Variants in FARS2 observed in about 807,000 individuals in gnomAD.
FARS2 encodes the protein phenylalanine--tRNA ligase, mitochondrial.
Under a neutral mutation model 46.4 loss-of-function variants are expected in FARS2, and 40 were observed. The ratio of observed to expected loss-of-function variants is 0.86; its 90% confidence interval spans 0.67 to 1.12. FARS2 has a LOEUF of 1.12. Ranked by LOEUF, FARS2 falls within the 50% of genes most tolerant of loss-of-function variation. FARS2 has a pLI of 0.00. For synonymous variants in FARS2, 234 were observed against 214.9 expected (o/e 1.09, Z -0.78); for missense variants, 513 against 567.9 (o/e 0.90, Z 0.98).
At chr6:5,731,808 C>T (rs540589397) in intron 6 of FARS2, among the ~76,000 whole-genome samples, 145 of 151,844 alleles carry the variant, frequency 9.5e-4, no homozygotes, top group Non-Finnish European at 2.0e-3. Flanking sequence ...GCCCCTTGGT[C>T]CCTCTGAGGT....
At chr6:5,367,406 G>A (rs1758755542) in intron 1 of FARS2, among the ~76,000 whole-genome samples, 1 of 152,070 alleles carries the variant, frequency 6.6e-6, no homozygotes, top group Non-Finnish European at 1.5e-5. Context: ...AATGGGATGT[G>A]ACATCTCAAG....
At chr6:5,274,969 G>A (rs1331890708) in intron 1 of FARS2, among the ~76,000 whole-genome samples, 1 of 152,076 alleles carries the variant, frequency 6.6e-6, no homozygotes, top group Non-Finnish European at 1.5e-5. Context: ...CTCCTGCCTC[G>A]GCCTCCCAAA....
chr6:5,327,358 G>C (rs1189703403), intron 1 of FARS2, among the ~76,000 whole-genome samples: 2 of 152,298 alleles, frequency 1.3e-5, no homozygotes, highest in South Asian at 4.1e-4. Context: ...AAGCTTGCCT[G>C]ATATGGTTGG....
intron 6 of FARS2, among the ~76,000 whole-genome samples, chr6:5,701,678 G>A (rs1183954981): frequency 2.6e-5 from 4 of 152,194 alleles, no homozygotes; most frequent in African/African-American, 4.8e-5. Context: ...TAAACGAACA[G>A]TAGCAATGCA....
intron 6 of FARS2, among the ~76,000 whole-genome samples, chr6:5,758,518 C>T (rs1247183206): frequency 6.6e-6 from 1 of 152,154 alleles, no homozygotes; most frequent in African/African-American, 2.4e-5. Flanking sequence ...AAGGGACTCG[C>T]ACCAACTCAC....
At chr6:5,521,027 C>T (rs1329623911) in intron 4 of FARS2, among the ~76,000 whole-genome samples, 4 of 152,146 alleles carry the variant, frequency 2.6e-5, no homozygotes, top group African/African-American at 9.7e-5. Flanking sequence ...CTGATAAAAT[C>T]GCACTACAGA....
Position 5,327,682 on chromosome 6 carries a change from G to A in FARS2, c.-21-40868G>A, listed in dbSNP as rs147098374. 5.5e-3 allele frequency among the ~76,000 whole-genome samples: 837 copies of A among 152,258 alleles called. 10 individuals are homozygous for A. The highest frequency in any genetic ancestry group is 0.019 in the African/African-American group (799 of 41,540). On this transcript the variant is annotated intron_variant, in intron 1 of 6. Coordinates refer to ENST00000274680, the MANE Select transcript of FARS2 (RefSeq NM_006567.5). Reference sequence around the variant, plus strand: ...TTCTTTATAAATTACCCAATCTCGGGTATGTCTTTATTAGCACTGTGAGAA... The same window carrying A: ...TTCTTTATAAATTACCCAATCTCGGATATGTCTTTATTAGCACTGTGAGAA...
intron 1 of FARS2, among the ~76,000 whole-genome samples, chr6:5,310,598 A>G (rs1169969322): frequency 6.6e-6 from 1 of 152,198 alleles, no homozygotes; most frequent in Admixed American, 6.5e-5. Context: ...AGTTTAAGAA[A>G]AAAAATACAA....
chr6:5,445,121 C>A (rs2127796100), intron 4 of FARS2, among the ~76,000 whole-genome samples: 1 of 152,098 alleles, frequency 6.6e-6, no homozygotes, highest in East Asian at 1.9e-4. Flanking sequence ...TGCCTAGCAG[C>A]AGGACTTGGG....
At chr6:5,588,238 G>A (rs1437459111) in intron 5 of FARS2, among the ~76,000 whole-genome samples, 3 of 115,756 alleles carry the variant, frequency 2.6e-5, no homozygotes, top group Admixed American at 8.6e-5. Context: ...AGGGGCCCAG[G>A]GTGAAGGGCG....
intron 6 of FARS2, among the ~76,000 whole-genome samples, chr6:5,725,470 G>C (rs1195755084): frequency 1.3e-5 from 2 of 152,244 alleles, no homozygotes; most frequent in Admixed American, 6.5e-5. Context: ...CAGCCTGGCT[G>C]CCCGGGCTCC....
chr6:5,505,266 G>A (rs184476662), intron 4 of FARS2, among the ~76,000 whole-genome samples: 40 of 152,188 alleles, frequency 2.6e-4, no homozygotes, highest in African/African-American at 9.4e-4. Context: ...TCAGTCCCTG[G>A]GAGCTTCCTT....
At chr6:5,377,030 T>C (rs776566483) in intron 2 of FARS2, among the ~76,000 whole-genome samples, 1 of 152,220 alleles carries the variant, frequency 6.6e-6, no homozygotes, top group Non-Finnish European at 1.5e-5. Context: ...TTTTGAGACT[T>C]ACATGTTTGA....
At chr6:5,528,737 A>G (rs1769630345) in intron 4 of FARS2, among the ~76,000 whole-genome samples, 1 of 152,214 alleles carries the variant, frequency 6.6e-6, no homozygotes, top group Non-Finnish European at 1.5e-5. Flanking sequence ...AATGAAATGT[A>G]AGACAGTTGG....
At chr6:5,539,049 G>A (rs2150480949) in intron 4 of FARS2, among the ~76,000 whole-genome samples, 1 of 152,164 alleles carries the variant, frequency 6.6e-6, no homozygotes, top group South Asian at 2.1e-4. Flanking sequence ...CTCTCAGGTA[G>A]AGCCAGTCTC....
At chr6:5,329,584 A>G (rs531126269) in intron 1 of FARS2, among the ~76,000 whole-genome samples, 1 of 152,300 alleles carries the variant, frequency 6.6e-6, no homozygotes, top group Admixed American at 6.5e-5. Context: ...AACTGTCTCA[A>G]GATTACCCGC....
intron 4 of FARS2, among the ~76,000 whole-genome samples, chr6:5,540,011 A>C (rs1000085162): frequency 6.6e-5 from 10 of 152,134 alleles, no homozygotes; most frequent in Non-Finnish European, 1.0e-4. Flanking sequence ...CTAGACTGCC[A>C]TCATCATGGC....
chr6:5,503,373 A>AACACACAC (rs72295741), intron 4 of FARS2, among the ~76,000 whole-genome samples: 39 of 136,312 alleles, frequency 2.9e-4, no homozygotes, highest in Admixed American at 1.7e-3. Flanking sequence ...AGGTATTCTT[A>AACACACAC]ACACACACAC....
intron 6 of FARS2, among the ~76,000 whole-genome samples, chr6:5,639,128 C>G (rs563686421): frequency 6.6e-6 from 1 of 152,244 alleles, no homozygotes; most frequent in South Asian, 2.1e-4. Flanking sequence ...GTTACTTAGC[C>G]TCTCTGAGCC....
Sources: gnomAD v4.1 joint callset for allele counts (sites outside exome capture counted in the v4.1 genomes callset) on GRCh38, gnomAD v4.1.1 for gene constraint, MANE v1.5 for transcripts, NCBI Gene and HGNC (gene_info 2026-07-23, HGNC 2026-07-21) for gene names.